Variants in LRP1B observed in about 807,000 individuals in gnomAD.
LRP1B encodes LDL receptor related protein 1B.
A neutral mutation model predicts 556.6 loss-of-function variants in LRP1B; 217 were observed. The ratio of observed to expected loss-of-function variants is 0.39; its 90% CI spans 0.35 to 0.44. The LOEUF (loss-of-function observed/expected upper bound fraction) is 0.44, where lower values mean the gene tolerates loss of function less well. Ranked by LOEUF, LRP1B falls within the 20% of genes least tolerant of loss-of-function variation. The probability of loss-of-function intolerance (pLI) is 1.00; values close to 1 mark genes in which losing one functional copy is unlikely to be tolerated. For synonymous variants in LRP1B, 2,047 were observed against 1,865.8 expected (o/e 1.10, Z -2.50); for missense variants, 5,053 against 5,620.8 (o/e 0.90, Z 3.23).
intron 41 of LRP1B, among the ~76,000 whole-genome samples, chr2:140,689,464 C>A (rs1219152816): frequency 2.0e-5 from 3 of 152,264 alleles, no homozygotes; most frequent in East Asian, 1.9e-4. Flanking sequence ...TGGGGGCTGC[C>A]CAATTTGTGA....
chr2:141,154,466 C>G (rs1442220542), intron 7 of LRP1B, among the ~76,000 whole-genome samples: 1 of 151,784 alleles, frequency 6.6e-6, no homozygotes, highest in Non-Finnish European at 1.5e-5. Flanking sequence ...GAGAAGAAAT[C>G]ACGATGTCAC....
chr2:141,007,160 T>C (rs111778914), intron 14 of LRP1B, among the ~76,000 whole-genome samples: 12 of 151,936 alleles, frequency 7.9e-5, no homozygotes, highest in African/African-American at 2.4e-4. Context: ...AAAGTGCAAA[T>C]ACCAGAAACG....
At chr2:140,963,976 C>G (rs571454543) in intron 18 of LRP1B, among the ~76,000 whole-genome samples, 306 of 152,218 alleles carry the variant, frequency 2.0e-3, no homozygotes, top group Non-Finnish European at 3.5e-3. Context: ...ACCACTACCA[C>G]CAATGCGCGG....
chr2:140,643,441 C>T (rs1684374067), intron 41 of LRP1B, among the ~76,000 whole-genome samples: 2 of 152,196 alleles, frequency 1.3e-5, no homozygotes, highest in South Asian at 4.1e-4. Flanking sequence ...AATAAACAAG[C>T]TGTTTAAAAG....
At chr2:140,996,160 G>C (rs560536672) in intron 15 of LRP1B, among the ~76,000 whole-genome samples, 4 of 152,034 alleles carry the variant, frequency 2.6e-5, no homozygotes, top group Admixed American at 1.3e-4. Context: ...CTTGACATAA[G>C]AATTTTTCTT....
intron 27 of LRP1B, among the ~76,000 whole-genome samples, chr2:140,856,570 C>T (rs542849845): frequency 8.5e-5 from 13 of 152,274 alleles, no homozygotes; most frequent in African/African-American, 3.1e-4. Flanking sequence ...TTATTCAACT[C>T]TGCTACTATA....
intron 3 of LRP1B, among the ~76,000 whole-genome samples, chr2:141,394,290 T>C (rs895183407): frequency 2.0e-5 from 3 of 152,118 alleles, no homozygotes; most frequent in Non-Finnish European, 4.4e-5. Flanking sequence ...ACTTTTCTGG[T>C]AAAATAAGAC....
At chr2:141,218,689 G>T (rs1045579873) in intron 6 of LRP1B, among the ~76,000 whole-genome samples, 2 of 152,084 alleles carry the variant, frequency 1.3e-5, no homozygotes, top group African/African-American at 4.8e-5. Flanking sequence ...TCACTATTTG[G>T]GTGACAGATT....
chr2:141,701,446 A>G (rs11896157), intron 2 of LRP1B, among the ~76,000 whole-genome samples: 51,226 of 151,662 alleles, frequency 0.34, 9,163 homozygotes, highest in East Asian at 0.59. Context: ...AAATCATTCC[A>G]GATTCACAGA....
At chr2:140,824,465 G>A (rs544143890) in intron 31 of LRP1B, among the ~76,000 whole-genome samples, 79 of 152,148 alleles carry the variant, frequency 5.2e-4, no homozygotes, top group African/African-American at 1.9e-3. Context: ...AATTTTATGA[G>A]AAATCTGTCA....
intron 32 of LRP1B, among the ~76,000 whole-genome samples, chr2:140,809,078 A>C (rs1398480695): frequency 1.3e-5 from 2 of 151,974 alleles, no homozygotes; most frequent in Non-Finnish European, 2.9e-5. Context: ...ATAAATGATG[A>C]CCAAACCAGA....
chr2:141,054,985 A>C (rs1699137400), intron 10 of LRP1B, 131 bp downstream of exon 10: 2 of 843,350 alleles, frequency 2.4e-6, no homozygotes. Flanking sequence ...AAAAATGGAC[A>C]GTATATATTT....
intron 2 of LRP1B, among the ~76,000 whole-genome samples, chr2:141,481,519 C>T (rs543828819): frequency 1.3e-5 from 2 of 152,120 alleles, no homozygotes; most frequent in East Asian, 1.9e-4. Context: ...CGAATCCATG[C>T]GACATTAATT....
intron 31 of LRP1B, among the ~76,000 whole-genome samples, chr2:140,826,626 C>G (rs750742072): frequency 6.6e-6 from 1 of 152,150 alleles, no homozygotes; most frequent in Non-Finnish European, 1.5e-5. Context: ...GCCCCTCCCC[C>G]AATCTGCCAG....
At chr2:141,437,448 CTTT>C (rs1236631368) in intron 3 of LRP1B, among the ~76,000 whole-genome samples, 1 of 151,974 alleles carries the variant, frequency 6.6e-6, no homozygotes, top group Non-Finnish European at 1.5e-5. Context: ...TGAAATTCTT[CTTT>C]GTGATATAAG....
chr2:141,948,537 T>C (rs1030499019), intron 1 of LRP1B, among the ~76,000 whole-genome samples: 1 of 151,876 alleles, frequency 6.6e-6, no homozygotes, highest in Non-Finnish European at 1.5e-5. Flanking sequence ...TCTTACAAAA[T>C]AGTCAATGAA....
chr2:141,059,186 C>T (rs968891566), intron 8 of LRP1B, 132 bp from the exon 9 acceptor site: 14 of 565,688 alleles, frequency 2.5e-5, no homozygotes, highest in Non-Finnish European at 3.5e-5. Context: ...TTTACTTTTT[C>T]TCAAGGAGTT....
At chr2:140,751,005 T>C (rs1393416178) in intron 35 of LRP1B, among the ~76,000 whole-genome samples, 1 of 149,350 alleles carries the variant, frequency 6.7e-6, no homozygotes, top group African/African-American at 2.5e-5. Context: ...TTTTTTTTTT[T>C]TTTTGAGATG....
chr2:140,542,290 G>A (rs1490509738), intron 43 of LRP1B, among the ~76,000 whole-genome samples: 3 of 152,012 alleles, frequency 2.0e-5, no homozygotes, highest in African/African-American at 7.2e-5. Context: ...ATTAGACGAA[G>A]ATTATCAACA....
Sources: gnomAD v4.1 joint callset for allele counts (sites outside exome capture counted in the v4.1 genomes callset) on GRCh38, gnomAD v4.1.1 for gene constraint, MANE v1.5 for transcripts, NCBI Gene and HGNC (gene_info 2026-07-23, HGNC 2026-07-21) for gene names.